FTO: variants seen among roughly 807,000 people sequenced by gnomAD.
FTO encodes FTO alpha-ketoglutarate dependent dioxygenase, also known as alpha-ketoglutarate-dependent dioxygenase FTO.
Under a neutral mutation model 63.9 loss-of-function variants are expected in FTO, and 47 were observed. The ratio of observed to expected loss-of-function variants is 0.74; its 90% CI spans 0.58 to 0.94. The LOEUF (loss-of-function observed/expected upper bound fraction) is 0.94, where lower values mean the gene tolerates loss of function less well. Ranked by LOEUF, FTO falls within the 40% of genes least tolerant of loss-of-function variation. FTO has a pLI of 0.00. For missense variants in FTO, 562 were observed against 618.1 expected (o/e 0.91, Z 0.96); for synonymous variants, 207 against 224.4 (o/e 0.92, Z 0.69).
chr16:53,716,004 A>C (rs2075886558), intron 1 of FTO, among the ~76,000 whole-genome samples: 1 of 152,182 alleles, frequency 6.6e-6, no homozygotes, highest in Non-Finnish European at 1.5e-5. Context: ...CAGGCATGTA[A>C]ACAAATAATT....
intron 2 of FTO, among the ~76,000 whole-genome samples, chr16:53,824,197 G>A (rs560959178): frequency 1.8e-4 from 28 of 152,276 alleles, no homozygotes; most frequent in South Asian, 1.7e-3. Context: ...TCCTTACCAC[G>A]ACCTCTAGGG....
intron 7 of FTO, among the ~76,000 whole-genome samples, chr16:53,902,797 AG>A (rs1407013505): frequency 2.0e-5 from 3 of 152,210 alleles, no homozygotes; most frequent in African/African-American, 7.2e-5. Context: ...ACAATATCAT[AG>A]ACACAGGATG....
At chr16:53,959,719 A>G (rs1446120233) in intron 8 of FTO, among the ~76,000 whole-genome samples, 1 of 152,118 alleles carries the variant, frequency 6.6e-6, no homozygotes, top group Non-Finnish European at 1.5e-5. Context: ...TGACAGGCCA[A>G]GGATTCAAAC....
At chr16:53,840,194 AT>A (rs1205359258) in intron 3 of FTO, among the ~76,000 whole-genome samples, 1 of 152,078 alleles carries the variant, frequency 6.6e-6, no homozygotes, top group Non-Finnish European at 1.5e-5. Flanking sequence ...CCTTCCTAAA[AT>A]ATTTCCTTTT....
intron 5 of FTO, among the ~76,000 whole-genome samples, chr16:53,876,914 A>G (rs1286131652): frequency 2.6e-5 from 4 of 152,232 alleles, no homozygotes; most frequent in Non-Finnish European, 5.9e-5. Flanking sequence ...GCAATAGAGC[A>G]AGACTCCGTC....
At chr16:53,954,168 CAAGGGGAA>C (rs1319847508) in intron 8 of FTO, among the ~76,000 whole-genome samples, 2 of 152,072 alleles carry the variant, frequency 1.3e-5, no homozygotes, top group Admixed American at 6.5e-5. Flanking sequence ...TATAAAAAGA[CAAGGGGAA>C]AAGGGGAAAG....
intron 8 of FTO, among the ~76,000 whole-genome samples, chr16:54,106,857 T>G (rs946706935): frequency 1.2e-4 from 16 of 137,818 alleles, no homozygotes; most frequent in African/African-American, 3.7e-4. Context: ...TATATAATAA[T>G]TATATATAAT....
At position 53,844,091 on chromosome 16, in the gene FTO, A is replaced by G. The variant is rs946201971; in HGVS notation, c.752-64A>G. 28 of 1,283,138 alleles carry G rather than the reference A, an allele frequency of 2.2e-5. No individual in the cohort carries two copies. The African/African-American group carries it at 3.8e-4, about 17-fold the overall frequency. The allele number at this position is 1,283,138 out of a possible 1,614,324, so 79.5% of individuals were successfully genotyped here. ...AATATCAATTCTTTCTAAAATAACA[A>G]TTATAAAATTCAGAAGCTTAGATTA... is the stretch of plus-strand genomic sequence containing the variant. On this transcript the variant is annotated intron_variant, in intron 3 of 8. Transcript: ENST00000471389.
chr16:53,898,915 T>A (rs978426030), intron 7 of FTO, among the ~76,000 whole-genome samples: 1 of 152,160 alleles, frequency 6.6e-6, no homozygotes, highest in Admixed American at 6.5e-5. Flanking sequence ...CCTTAAGTCA[T>A]CCTCTCACCT....
At chr16:53,987,390 A>G (rs1661411012) in intron 8 of FTO, among the ~76,000 whole-genome samples, 2 of 151,946 alleles carry the variant, frequency 1.3e-5, no homozygotes, top group Non-Finnish European at 2.9e-5. Flanking sequence ...AGATCAGCCT[A>G]GCCAATGTGG....
At chr16:53,804,906 C>T (rs567453535) in intron 1 of FTO, among the ~76,000 whole-genome samples, 36 of 152,196 alleles carry the variant, frequency 2.4e-4, no homozygotes, top group Non-Finnish European at 3.7e-4. Context: ...TGAGCCACCG[C>T]GCCTGGCTCT....
chr16:53,766,265 G>T (rs544010327), intron 1 of FTO, among the ~76,000 whole-genome samples: 1 of 152,220 alleles, frequency 6.6e-6, no homozygotes, highest in East Asian at 1.9e-4. Flanking sequence ...TCACTCTGTT[G>T]CCCAGGCCGG....
At chr16:54,085,481 A>G (rs996756647) in intron 8 of FTO, among the ~76,000 whole-genome samples, 2 of 152,112 alleles carry the variant, frequency 1.3e-5, no homozygotes, top group African/African-American at 4.8e-5. Flanking sequence ...TCCCTCCTTC[A>G]CATGCCCTCC....
At chr16:53,819,721 G>A (rs1486049205) in intron 2 of FTO, among the ~76,000 whole-genome samples, 1 of 151,936 alleles carries the variant, frequency 6.6e-6, no homozygotes, top group Non-Finnish European at 1.5e-5. Flanking sequence ...CTGTATATGT[G>A]TATAATTTAC....
At chr16:53,888,731 G>A (rs1378788890) in intron 6 of FTO, 101 bp from the exon 7 acceptor site, 1 of 1,254,048 alleles carries the variant, frequency 8.0e-7, no homozygotes, top group Non-Finnish European at 1.2e-6. Flanking sequence ...CTCATCCTAT[G>A]GCCATCAAGT....
At chr16:53,879,307 A>T (rs745722183) in intron 5 of FTO, among the ~76,000 whole-genome samples, 39 of 152,296 alleles carry the variant, frequency 2.6e-4, no homozygotes, top group Non-Finnish European at 4.4e-4. Flanking sequence ...GAAAACCAGC[A>T]AACTAAGTGG....
At chr16:54,007,103 C>G (rs1053547623) in intron 8 of FTO, among the ~76,000 whole-genome samples, 1 of 152,122 alleles carries the variant, frequency 6.6e-6, no homozygotes, top group Non-Finnish European at 1.5e-5. Flanking sequence ...GGATGCATTT[C>G]ATACTATTAA....
At chr16:53,749,111 A>G (rs1033216725) in intron 1 of FTO, among the ~76,000 whole-genome samples, 1 of 152,138 alleles carries the variant, frequency 6.6e-6, no homozygotes, top group Admixed American at 6.5e-5. Context: ...TCTTTTTTAT[A>G]TAGTTCACTG....
chr16:54,033,972 CCTTGTTGTATAGA>C (rs1205564379), intron 8 of FTO: 1 of 152,140 alleles, frequency 6.6e-6, no homozygotes, highest in Non-Finnish European at 1.5e-5. Flanking sequence ...ATGATGTGTT[CCTTGTTGTATAGA>C]CTTGTACGTA....
Sources: allele counts gnomAD v4.1 joint callset (sites outside exome capture counted in the v4.1 genomes callset), GRCh38; gene constraint gnomAD v4.1.1; transcripts MANE v1.5; gene names NCBI Gene and HGNC (gene_info 2026-07-23, HGNC 2026-07-21).